DIPK1A: variants seen among roughly 807,000 people sequenced by gnomAD.
DIPK1A encodes divergent protein kinase domain 1A, also known as family with sequence similarity 69 member A.
Under a neutral mutation model 40.8 loss-of-function variants are expected in DIPK1A, and 27 were observed. The ratio of observed to expected loss-of-function variants is 0.66; its 90% confidence interval spans 0.49 to 0.91. The LOEUF (loss-of-function observed/expected upper bound fraction) is 0.91, where lower values mean the gene tolerates loss of function less well. Among genes scored for constraint, DIPK1A ranks in the 40% least tolerant of loss-of-function variants. The pLI, the probability that DIPK1A is intolerant of heterozygous loss-of-function variation, is 0.00. For missense variants in DIPK1A, 412 were observed against 505.7 expected, an observed-to-expected ratio of 0.81 and a Z score of 1.78; for synonymous variants, 166 against 171.3, an observed-to-expected ratio of 0.97 and a Z score of 0.24.
chr1:92,918,775 T>C (rs1221467384), intron 1 of DIPK1A, among the ~76,000 whole-genome samples: 1 of 151,634 alleles, frequency 6.6e-6, no homozygotes, highest in East Asian at 1.9e-4. Flanking sequence ...ACAGATGGGG[T>C]GGGGAGTGCG....
downstream of DIPK1A, among the ~76,000 whole-genome samples, chr1:92,839,031 C>CTTTTT (rs35078348): frequency 1.7e-5 from 2 of 118,280 alleles, no homozygotes; most frequent in Non-Finnish European, 1.7e-5. Flanking sequence ...AGAGTTGCAG[C>CTTTTT]TTTTTTTTTT....
chr1:92,904,628 C>T (rs1649535161), intron 1 of DIPK1A, among the ~76,000 whole-genome samples: 1 of 152,038 alleles, frequency 6.6e-6, no homozygotes, highest in South Asian at 2.1e-4. Flanking sequence ...GGGTATCCAT[C>T]AACTCAAGCA....
intron 1 of DIPK1A, among the ~76,000 whole-genome samples, chr1:92,901,264 G>C (rs1442778870): frequency 1.3e-5 from 2 of 151,836 alleles, no homozygotes; most frequent in African/African-American, 4.8e-5. Context: ...GGTCTGACAT[G>C]GCCTACAAGC....
intron 1 of DIPK1A, among the ~76,000 whole-genome samples, chr1:92,949,328 G>A (rs2100907625): frequency 6.6e-6 from 1 of 151,962 alleles, no homozygotes; most frequent in East Asian, 1.9e-4. Context: ...AGGCTGGAGT[G>A]CAATGGCGCA....
intron 1 of DIPK1A, among the ~76,000 whole-genome samples, chr1:92,909,807 A>C (rs941626720): frequency 2.0e-5 from 3 of 152,204 alleles, no homozygotes; most frequent in Non-Finnish European, 4.4e-5. Context: ...CTTGACTACC[A>C]GGGTGTAGGG....
intron 2 of DIPK1A, among the ~76,000 whole-genome samples, chr1:92,872,069 C>CTTTTTTTTTTTTTTTTTTTTTTTTT (rs148010880): frequency 2.9e-5 from 2 of 67,936 alleles, no homozygotes; most frequent in Non-Finnish European, 5.1e-5. Flanking sequence ...TTCTTTAAAT[C>CTTTTTTTTTTTTTTTTTTTTTTTTT]TTTTTTTTTT....
intron 1 of DIPK1A, among the ~76,000 whole-genome samples, chr1:92,940,550 T>C (rs1176178677): frequency 6.6e-6 from 1 of 152,224 alleles, no homozygotes; most frequent in East Asian, 1.9e-4. Flanking sequence ...TTCTGATTTC[T>C]TAAAAGGCAT....
At chr1:92,875,596 G>A (rs2811597) in intron 2 of DIPK1A, among the ~76,000 whole-genome samples, 108,240 of 151,478 alleles carry the variant, frequency 0.71, 39,470 homozygotes, top group East Asian at 0.95. Context: ...GCGAGCCTGT[G>A]ATTCCAGCTA....
chr1:92,836,080 A>T, intron 4 of DIPK1A: 1 of 1,004,700 alleles, frequency 1.0e-6, no homozygotes, highest in East Asian at 2.4e-5. Flanking sequence ...GTGTGGAAGG[A>T]AATTTTCTTT....
chr1:92,858,260 C>T (rs1427573874), intron 2 of DIPK1A, among the ~76,000 whole-genome samples: 1 of 152,172 alleles, frequency 6.6e-6, no homozygotes, highest in Non-Finnish European at 1.5e-5. Flanking sequence ...TGACTCTTTC[C>T]ACAACCATCT....
At chr1:92,887,746 A>G (rs144535407) in intron 1 of DIPK1A, among the ~76,000 whole-genome samples, 64 of 152,322 alleles carry the variant, frequency 4.2e-4, no homozygotes, top group Non-Finnish European at 7.9e-4. Flanking sequence ...TCCCTTTACA[A>G]GAATTCTATA....
chr1:92,883,138 A>G (rs891971303), intron 1 of DIPK1A, among the ~76,000 whole-genome samples: 1 of 152,244 alleles, frequency 6.6e-6, no homozygotes, highest in Non-Finnish European at 1.5e-5. Context: ...GGCCAGGCAC[A>G]TATTGAAAGA....
At chr1:92,887,703 GTAAC>G (rs1459607744) in intron 1 of DIPK1A, among the ~76,000 whole-genome samples, 1 of 152,166 alleles carries the variant, frequency 6.6e-6, no homozygotes, top group Non-Finnish European at 1.5e-5. Context: ...CGTTGCTGGG[GTAAC>G]TAACTGATAC....
intron 1 of DIPK1A, among the ~76,000 whole-genome samples, chr1:92,953,101 T>C (rs190744394): frequency 5.3e-5 from 8 of 152,004 alleles, no homozygotes; most frequent in Admixed American, 5.2e-4. Flanking sequence ...AAACAACAAA[T>C]CAAGAAGGAA....
chr1:92,886,449 G>C (rs1281559488), intron 1 of DIPK1A, among the ~76,000 whole-genome samples: 1 of 152,044 alleles, frequency 6.6e-6, no homozygotes, highest in African/African-American at 2.4e-5. Flanking sequence ...GCCTCCCAAA[G>C]TGCCAGGATT....
intron 2 of DIPK1A, among the ~76,000 whole-genome samples, chr1:92,851,435 C>T (rs565110516): frequency 2.8e-5 from 4 of 144,366 alleles, no homozygotes; most frequent in African/African-American, 7.7e-5. Context: ...GCCAGCTACT[C>T]GGGAGGCTGA....
In DIPK1A at chr1:92,921,666, T is replaced by C. The variant is rs536319677; in HGVS notation, c.54+39710A>G. On this transcript the variant is annotated intron_variant, in intron 1 of 4. Coordinates refer to ENST00000370310, the MANE Select transcript of DIPK1A (RefSeq NM_001006605.5). ...CTGGAGAAAGACCAGCTCCTCGGAG[T>C]TGGGCAGTAGGTAAGAACAGGATCC... Among the ~76,000 whole-genome samples, 27 of 152,134 alleles carry C rather than the reference T, an allele frequency of 1.8e-4. No homozygotes were observed. In the South Asian group the frequency reaches 3.7e-3, roughly 21 times the overall value.
chr1:92,951,326 G>T (rs1469258109), intron 1 of DIPK1A, among the ~76,000 whole-genome samples: 1 of 152,160 alleles, frequency 6.6e-6, no homozygotes, highest in Non-Finnish European at 1.5e-5. Flanking sequence ...GCCTCTAGAG[G>T]CTGAGAACAA....
chr1:92,923,284 G>A (rs1650342338), intron 1 of DIPK1A, among the ~76,000 whole-genome samples: 1 of 151,972 alleles, frequency 6.6e-6, no homozygotes, highest in Non-Finnish European at 1.5e-5. Flanking sequence ...GACTATAGGC[G>A]CCCACCACCA....
Sources: allele counts gnomAD v4.1 joint callset (sites outside exome capture counted in the v4.1 genomes callset), GRCh38; gene constraint gnomAD v4.1.1; transcripts MANE v1.5; gene names NCBI Gene and HGNC (gene_info 2026-07-23, HGNC 2026-07-21).